The following FHIT variants were observed in gnomAD, a reference collection of about 807,000 sequenced individuals.
FHIT encodes the protein bis(5'-adenosyl)-triphosphatase.
In FHIT, 19 loss-of-function variants were observed where a neutral mutation model predicts 17.9. The observed-to-expected ratio is 1.06, with a 90% CI of 0.74 to 1.56. The LOEUF is 1.56. FHIT is among the 40% of genes most tolerant of loss of function. The pLI is 0.00. For missense variants in FHIT, 248 were observed against 189.2 expected (o/e 1.31, Z -1.82); for synonymous variants, 81 against 69.7 (o/e 1.16, Z -0.81).
intron 5 of FHIT, among the ~76,000 whole-genome samples, chr3:60,135,488 T>G (rs544423710): frequency 6.6e-6 from 1 of 152,166 alleles, no homozygotes; most frequent in Non-Finnish European, 1.5e-5. Flanking sequence ...AAAACTTTAC[T>G]TGAACAGCTG....
At chr3:60,351,919 G>A (rs6764498) in intron 5 of FHIT, among the ~76,000 whole-genome samples, 83,809 of 151,966 alleles carry the variant, frequency 0.55, 23,896 homozygotes, top group South Asian at 0.75. Flanking sequence ...CTCTTACCCT[G>A]AAGAAGCCTT....
intron 5 of FHIT, among the ~76,000 whole-genome samples, chr3:60,402,116 T>A (rs185684667): frequency 1.4e-4 from 21 of 152,266 alleles, no homozygotes; most frequent in African/African-American, 4.8e-4. Flanking sequence ...CTGATCTTTA[T>A]CATCTTGCAT....
chr3:60,121,668 A>C (rs1375850757), intron 5 of FHIT, among the ~76,000 whole-genome samples: 1 of 151,250 alleles, frequency 6.6e-6, no homozygotes. Context: ...TGTGAGACAA[A>C]GCAAGACTCT....
chr3:59,820,945 C>T (rs1700764929), intron 8 of FHIT, among the ~76,000 whole-genome samples: 1 of 152,188 alleles, frequency 6.6e-6, no homozygotes, highest in South Asian at 2.1e-4. Flanking sequence ...TTGTCATTAA[C>T]CAAGATGAGT....
At chr3:60,936,500 AAAATGTT>A (rs1213143988) in intron 3 of FHIT, among the ~76,000 whole-genome samples, 2 of 152,230 alleles carry the variant, frequency 1.3e-5, no homozygotes, top group Non-Finnish European at 2.9e-5. Flanking sequence ...CTCTATATGT[AAAATGTT>A]AAGGGTCTAT....
At chr3:60,168,477 G>A (rs116541831) in intron 5 of FHIT, among the ~76,000 whole-genome samples, 248 of 152,238 alleles carry the variant, frequency 1.6e-3, no homozygotes, top group Middle Eastern at 3.4e-3. Flanking sequence ...TATCTCTCCA[G>A]GACTCAAAGA....
chr3:60,050,114 G>A (rs898325525), intron 5 of FHIT, among the ~76,000 whole-genome samples: 2 of 151,988 alleles, frequency 1.3e-5, no homozygotes, highest in African/African-American at 4.8e-5. Flanking sequence ...TAAAAATTTT[G>A]AATTCACATC....
chr3:61,043,591 G>C (rs1460486274), intron 2 of FHIT, among the ~76,000 whole-genome samples: 1 of 152,230 alleles, frequency 6.6e-6, no homozygotes, highest in Non-Finnish European at 1.5e-5. Flanking sequence ...AACTTCTGCA[G>C]ACTTAAACGT....
intron 4 of FHIT, chr3:60,732,254 G>C: frequency 1.1e-6 from 1 of 879,320 alleles, no homozygotes; most frequent in Non-Finnish European, 1.9e-6. Context: ...CCATGCCAAA[G>C]ACCACATGCT....
Position 60,732,208 on chromosome 3 carries a change from A to T in FHIT, c.-18+89711T>A, listed in dbSNP as rs557723267. On this transcript the variant is annotated intron_variant, in intron 4 of 9. Coordinates refer to ENST00000492590, the MANE Select transcript of FHIT (RefSeq NM_002012.4). ...GCTGGCCTTATCATTCCTGGACCCAAAGTGTTCCATGGCCTCCATGATATT... is the reference window on the plus strand; with the variant it reads ...GCTGGCCTTATCATTCCTGGACCCATAGTGTTCCATGGCCTCCATGATATT... 17 of 823,532 alleles carry T rather than the reference A, an allele frequency of 2.1e-5. No individual in the cohort carries two copies. In the African/African-American group the frequency reaches 2.8e-4, roughly 14 times the overall value. The allele number at this position is 823,532 out of a possible 1,614,324, so 51.0% of individuals were successfully genotyped here.
At chr3:60,490,733 A>ACTAAAAACAGTTGGTATT (rs2034028707) in intron 5 of FHIT, among the ~76,000 whole-genome samples, 1 of 152,030 alleles carries the variant, frequency 6.6e-6, no homozygotes, top group South Asian at 2.1e-4. Context: ...TAATTCAGGT[A>ACTAAAAACAGTTGGTATT]CTAAAAACAG....
At position 61,023,745 on chromosome 3, in the gene FHIT, G is replaced by A. The variant is rs182492942; in HGVS notation, c.-111+18302C>T. Among the ~76,000 whole-genome samples, 13 of 152,268 alleles carry A rather than the reference G, an allele frequency of 8.5e-5. No homozygotes were observed. The East Asian group carries it at 2.3e-3, about 27-fold the overall frequency. On this transcript the variant is annotated intron_variant, in intron 3 of 9. Coordinates refer to ENST00000492590, the MANE Select transcript of FHIT (RefSeq NM_002012.4). ...ACAAACCTGACAAAAGCAAGCAATG[G>A]GGAAAGGAGTCCCTATTTAATAAAT...
chr3:60,839,422 G>C (rs1400947706), intron 3 of FHIT, among the ~76,000 whole-genome samples: 1 of 152,148 alleles, frequency 6.6e-6, no homozygotes, highest in African/African-American at 2.4e-5. Context: ...GAGTGAAGCA[G>C]CATGCAATGA....
chr3:60,542,862 C>A (rs2036229593), intron 4 of FHIT, among the ~76,000 whole-genome samples: 1 of 152,136 alleles, frequency 6.6e-6, no homozygotes, highest in African/African-American at 2.4e-5. Context: ...CCTATATTTT[C>A]TTCTATCGAC....
chr3:60,448,049 C>G (rs1456339099), intron 5 of FHIT, among the ~76,000 whole-genome samples: 1 of 152,126 alleles, frequency 6.6e-6, no homozygotes, highest in Non-Finnish European at 1.5e-5. Context: ...CAGGGGCCCT[C>G]TATTATGTAG....
intron 4 of FHIT, among the ~76,000 whole-genome samples, chr3:60,634,896 A>G (rs1449019399): frequency 2.0e-5 from 3 of 152,148 alleles, no homozygotes; most frequent in Admixed American, 2.0e-4. Context: ...CGCCATCTCT[A>G]TTTCCCAGGC....
intron 4 of FHIT, among the ~76,000 whole-genome samples, chr3:60,607,234 C>G (rs73836617): frequency 0.025 from 3,812 of 152,050 alleles, 157 homozygotes; most frequent in African/African-American, 0.087. Flanking sequence ...TATAAATCTT[C>G]TAGAATAATA....
chr3:60,138,064 A>G (rs1354010492), intron 5 of FHIT, among the ~76,000 whole-genome samples: 1 of 152,206 alleles, frequency 6.6e-6, no homozygotes, highest in Non-Finnish European at 1.5e-5. Context: ...TTTAAAGATG[A>G]GAAGACTGAA....
At chr3:60,089,182 A>T (rs1187778307) in intron 5 of FHIT, among the ~76,000 whole-genome samples, 1 of 152,224 alleles carries the variant, frequency 6.6e-6, no homozygotes, top group Non-Finnish European at 1.5e-5. Flanking sequence ...CTCCAAGCAC[A>T]CTTCTTATGA....
Sources: gnomAD v4.1 joint callset for allele counts (sites outside exome capture counted in the v4.1 genomes callset) on GRCh38, gnomAD v4.1.1 for gene constraint, MANE v1.5 for transcripts, NCBI Gene and HGNC (gene_info 2026-07-23, HGNC 2026-07-21) for gene names.